CDKAL1: variants seen among roughly 807,000 people sequenced by gnomAD.
CDKAL1 encodes threonylcarbamoyladenosine tRNA methylthiotransferase.
A neutral mutation model predicts 68.2 loss-of-function variants in CDKAL1; 32 were observed. That is an observed-to-expected ratio of 0.47 (90% CI 0.35 to 0.63). The LOEUF is 0.63. CDKAL1 is among the 30% of genes least tolerant of loss of function. CDKAL1 has a pLI of 0.00. For missense variants in CDKAL1, 606 were observed against 696.7 expected (o/e 0.87, Z 1.47); for synonymous variants, 234 against 244.3 (o/e 0.96, Z 0.39).
chr6:20,850,288 C>A (rs1189673595), intron 9 of CDKAL1, among the ~76,000 whole-genome samples: 2 of 151,824 alleles, frequency 1.3e-5, no homozygotes, highest in Non-Finnish European at 2.9e-5. Context: ...CATTTTCTTT[C>A]TTTTAATTTT....
rs999361063 is a variant in CDKAL1, at chr6:20,888,832, C to T, written c.742+42654C>T. Among the ~76,000 whole-genome samples, 8 of 152,082 alleles carry T rather than the reference C, an allele frequency of 5.3e-5. No homozygotes were observed. In the East Asian group the frequency reaches 1.3e-3, roughly 26 times the overall value. On this transcript the variant is annotated intron_variant, in intron 9 of 15. Coordinates refer to ENST00000274695, the MANE Select transcript of CDKAL1 (RefSeq NM_017774.3). ...TGTGAATAGTGCCGCAGTAAACATA[C>T]GTGTGCATGAGTCTTTATAGCAGTA...
At chr6:21,221,864 G>A (rs1563726) in intron 15 of CDKAL1, among the ~76,000 whole-genome samples, 4,907 of 152,230 alleles carry the variant, frequency 0.032, 102 homozygotes, top group East Asian at 0.051. Context: ...GATGAAATGC[G>A]GGCTTACAGA....
At chr6:21,083,729 G>A (rs1001338612) in intron 12 of CDKAL1, among the ~76,000 whole-genome samples, 1 of 152,100 alleles carries the variant, frequency 6.6e-6, no homozygotes, top group African/African-American at 2.4e-5. Flanking sequence ...GCATTTAGTT[G>A]TTCTATTTCT....
At chr6:20,767,428 G>A (rs945116504) in intron 7 of CDKAL1, among the ~76,000 whole-genome samples, 1 of 151,926 alleles carries the variant, frequency 6.6e-6, no homozygotes, top group Admixed American at 6.6e-5. Context: ...AGTATCTAAA[G>A]CTTTGATAGG....
intron 11 of CDKAL1, among the ~76,000 whole-genome samples, chr6:21,045,251 T>C (rs1001479973): frequency 1.2e-4 from 19 of 152,358 alleles, no homozygotes; most frequent in South Asian, 8.3e-4. Flanking sequence ...TACTTTGGTT[T>C]GCCAGGAATA....
chr6:21,113,847 G>A (rs1222027833), intron 13 of CDKAL1, among the ~76,000 whole-genome samples: 3 of 151,956 alleles, frequency 2.0e-5, no homozygotes, highest in Non-Finnish European at 4.4e-5. Context: ...GGCTGATGCA[G>A]GAGGATCTCT....
intron 10 of CDKAL1, among the ~76,000 whole-genome samples, chr6:20,956,548 TA>T (rs1234779394): frequency 6.6e-6 from 1 of 152,252 alleles, no homozygotes; most frequent in Non-Finnish European, 1.5e-5. Flanking sequence ...GAATAACTTT[TA>T]TTTTTTTCAA....
intron 9 of CDKAL1, among the ~76,000 whole-genome samples, chr6:20,863,574 G>A (rs1561840573): frequency 6.6e-6 from 1 of 152,214 alleles, no homozygotes; most frequent in Non-Finnish European, 1.5e-5. Context: ...TTCTCAGAAT[G>A]AGCACTGTAA....
chr6:20,779,248 A>G (rs189821423), intron 7 of CDKAL1, among the ~76,000 whole-genome samples: 52 of 152,324 alleles, frequency 3.4e-4, no homozygotes, highest in African/African-American at 1.2e-3. Flanking sequence ...AATGTTAAAC[A>G]TAAATTTACC....
intron 8 of CDKAL1, among the ~76,000 whole-genome samples, chr6:20,834,891 C>A (rs1777865207): frequency 6.6e-6 from 1 of 152,150 alleles, no homozygotes; most frequent in Non-Finnish European, 1.5e-5. Context: ...CTTTCTGTCT[C>A]CCTCTATCAC....
intron 12 of CDKAL1, among the ~76,000 whole-genome samples, chr6:21,094,809 T>C (rs1046315980): frequency 6.6e-6 from 1 of 152,240 alleles, no homozygotes; most frequent in East Asian, 1.9e-4. Context: ...TATTAAAATA[T>C]AGTTATTACA....
At chr6:21,016,050 TC>T (rs1285319562) in intron 11 of CDKAL1, among the ~76,000 whole-genome samples, 1 of 151,756 alleles carries the variant, frequency 6.6e-6, no homozygotes, top group Non-Finnish European at 1.5e-5. Context: ...TATGGTGTAA[TC>T]CCCCACATTA....
intron 9 of CDKAL1, among the ~76,000 whole-genome samples, chr6:20,925,180 A>T (rs75914050): frequency 0.022 from 3,276 of 152,334 alleles, 118 homozygotes; most frequent in African/African-American, 0.074. Context: ...CAGCAAAAAA[A>T]AATTACGACT....
intron 4 of CDKAL1, among the ~76,000 whole-genome samples, chr6:20,634,294 T>C (rs571210743): frequency 2.0e-5 from 3 of 152,350 alleles, no homozygotes; most frequent in African/African-American, 4.8e-5. Context: ...ATGGATACAA[T>C]TGAATTTTTT....
chr6:20,946,809 C>G (rs1457008242), intron 9 of CDKAL1, among the ~76,000 whole-genome samples: 1 of 152,044 alleles, frequency 6.6e-6, no homozygotes, highest in Non-Finnish European at 1.5e-5. Flanking sequence ...GTTGGTCAGG[C>G]TGGTCTCCAA....
chr6:20,869,010 G>A (rs1004906268), intron 9 of CDKAL1, among the ~76,000 whole-genome samples: 13 of 152,200 alleles, frequency 8.5e-5, no homozygotes, highest in African/African-American at 3.1e-4. Context: ...TGGCGGATGT[G>A]CAGCGAGGAA....
At chr6:21,196,487 T>C (rs1389460805) in intron 13 of CDKAL1, among the ~76,000 whole-genome samples, 1 of 152,046 alleles carries the variant, frequency 6.6e-6, no homozygotes, top group African/African-American at 2.4e-5. Flanking sequence ...GTGAAAAGAG[T>C]CTTTAGTAAG....
At chr6:20,820,741 A>AAGG in intron 8 of CDKAL1, among the ~76,000 whole-genome samples, 1 of 152,162 alleles carries the variant, frequency 6.6e-6, no homozygotes, top group Admixed American at 6.5e-5. Context: ...TTTCTTTCAT[A>AAGG]TATTCAAAAA....
chr6:20,737,321 C>A (rs895475536), intron 5 of CDKAL1, among the ~76,000 whole-genome samples: 1 of 152,172 alleles, frequency 6.6e-6, no homozygotes. Flanking sequence ...GTGTTTTTAA[C>A]GTTCTTTTAT....
Sources: gnomAD v4.1 joint callset for allele counts (sites outside exome capture counted in the v4.1 genomes callset) on GRCh38, gnomAD v4.1.1 for gene constraint, MANE v1.5 for transcripts, NCBI Gene and HGNC (gene_info 2026-07-23, HGNC 2026-07-21) for gene names.